Variants in PLCB3 observed in about 807,000 individuals in gnomAD.
PLCB3 encodes 1-phosphatidylinositol 4,5-bisphosphate phosphodiesterase beta-3.
Under a neutral mutation model 152.1 loss-of-function variants are expected in PLCB3, and 54 were observed. The ratio of observed to expected loss-of-function variants is 0.36; its 90% confidence interval spans 0.29 to 0.45. PLCB3 has a LOEUF of 0.45. PLCB3 is among the 20% of genes least tolerant of loss of function. PLCB3 has a pLI of 1.00. For synonymous variants in PLCB3, 717 were observed against 698.7 expected, an observed-to-expected ratio of 1.03 and a Z score of -0.41; for missense variants, 1,248 against 1,687.5, an observed-to-expected ratio of 0.74 and a Z score of 4.56.
At chr11:64,264,509 G>A (rs1395148145) in intron 22 of PLCB3, among the ~76,000 whole-genome samples, 1 of 152,234 alleles carries the variant, frequency 6.6e-6, no homozygotes, top group East Asian at 1.9e-4. Flanking sequence ...CGGGCGGGGA[G>A]AGATGACTGC....
chr11:64,255,786 T>G lies in PLCB3; in HGVS notation c.663T>G (p.Cys221Trp). 6.2e-7 allele frequency: 1 copy of G among 1,614,082 alleles called. No homozygotes were observed. Among genetic ancestry groups the G allele is most frequent in the Non-Finnish European group, 8.5e-7 (1 of 1,179,962 alleles). The change falls in exon 8 of 31, where the codon TGT becomes TGG. Residue 221 changes from cysteine to tryptophan, a missense_variant. Physicochemically the swap from Cys to Trp is radical, Grantham distance 215 (BLOSUM62 -2). Coordinates refer to ENST00000279230, the MANE Select transcript of PLCB3 (RefSeq NM_000932.5). This position sits in a 1 kb window ranked among gnomAD's most constrained non-coding sequence, Gnocchi z 6.8. ...EIFERFLNKL[C>W]LRPDIDKILL... ...TTGAGCGGTTCCTGAACAAGCTGTG[T>G]CTGCGGCCGGACATTGACAAGATCC...
In PLCB3 at chr11:64,267,514, G is replaced by T; in HGVS notation, c.3663G>T (p.Ser1221=). The change falls in exon 31 of 31, where the codon TCG becomes TCT. Residue 1221 remains serine (S), a synonymous_variant. Transcript: ENST00000279230. The surrounding 1 kb of genome is among the most constrained non-coding windows in gnomAD (Gnocchi z 5.2). ...CACCCGGGAGCAGCGGGCACCTGTC[G>T]GGCGCTGACTCGGAGAGCCAGGAGG... The part of the protein sequence containing the change: ...GHAPGSSGHL[S]GADSESQEEN... 6.4e-7 allele frequency: 1 copy of T among 1,569,436 alleles called. No homozygotes were observed.
chr11:64,267,513 C>G lies in PLCB3; in HGVS notation c.3662C>G (p.Ser1221Trp). The G allele has an allele frequency of 1.3e-6, 2 of 1,568,986 alleles. No homozygotes were observed. Among genetic ancestry groups the G allele is most frequent in the Non-Finnish European group, 1.7e-6 (2 of 1,161,494 alleles). ...GCACCCGGGAGCAGCGGGCACCTGT[C>G]GGGCGCTGACTCGGAGAGCCAGGAG... ...GHAPGSSGHL[S>W]GADSESQEEN... Residue 1221 changes from serine to tryptophan, a missense_variant, in exon 31 of 31, where the codon TCG becomes TGG. Coordinates refer to ENST00000279230, the MANE Select transcript of PLCB3 (RefSeq NM_000932.5). This position sits in a 1 kb window ranked among gnomAD's most constrained non-coding sequence, Gnocchi z 5.2.
chr11:64,252,323 C>A (rs2532599), intron 1 of PLCB3, among the ~76,000 whole-genome samples: 1 of 152,002 alleles, frequency 6.6e-6, no homozygotes, highest in African/African-American at 2.4e-5. Context: ...GGAGACTTTG[C>A]CCCCCAAGTT....
At position 64,266,510 on chromosome 11, in the gene PLCB3, T is replaced by C; in HGVS notation, c.3372T>C (p.Ile1124=). ...TCCCGTGCAGGGAACTGACGGAGAT[T>C]AACCGTCGGCACATCACTGAGTCAG... is the stretch of plus-strand genomic sequence containing the variant. The part of the protein sequence containing the change: ...KHKKEAELTE[I]NRRHITESVN... The change falls in exon 29 of 31, where the codon ATT becomes ATC. Residue 1124 remains isoleucine (I), a synonymous_variant. Transcript: ENST00000279230. The surrounding 1 kb of genome is among the most constrained non-coding windows in gnomAD (Gnocchi z 4.9). 1 of 1,613,752 alleles carries C rather than the reference T, an allele frequency of 6.2e-7. No individual in the cohort carries two copies. The highest frequency in any genetic ancestry group is 8.5e-7 in the Non-Finnish European group (1 of 1,179,898).
Position 64,267,296 on chromosome 11 carries a change from G to A in PLCB3, c.3501+25G>A, listed in dbSNP as rs2032170588. 4 of 1,550,772 alleles carry A rather than the reference G, an allele frequency of 2.6e-6. No homozygotes were observed. Among genetic ancestry groups the A allele is most frequent in the Non-Finnish European group, 3.5e-6 (4 of 1,146,802 alleles). ...GGTGAGGCCATGGGCGAACAGGTGG[G>A]CAGACGGGGTGCAAGGCAGCCAGGC... On this transcript the variant is annotated intron_variant, in intron 30 of 30. Transcript: ENST00000279230. This position sits in a 1 kb window ranked among gnomAD's most constrained non-coding sequence, Gnocchi z 5.2.
chr11:64,258,391 C>T lies in PLCB3; in HGVS notation c.1013-82C>T. 2 of 1,497,176 alleles carry T rather than the reference C, an allele frequency of 1.3e-6. No homozygotes were observed. The highest frequency in any genetic ancestry group is 1.8e-6 in the Non-Finnish European group (2 of 1,109,398). 92.7% of individuals were successfully genotyped at this position (1,497,176 alleles called of 1,614,324 possible). A position where few individuals can be genotyped will look rare whatever the true frequency, so the allele number is the denominator to read the frequency against. On this transcript the variant is annotated intron_variant, in intron 10 of 30. Coordinates refer to ENST00000279230, the MANE Select transcript of PLCB3 (RefSeq NM_000932.5). The surrounding 1 kb of genome is among the most constrained non-coding windows in gnomAD (Gnocchi z 7.2). ...GATGGAGAGCCCTCTGCAAATCCAG[C>T]ATGTCCTGGTTCCAGGTGGGGCCGG...
intron 14 of PLCB3, among the ~76,000 whole-genome samples, chr11:64,260,957 C>T (rs929847354): frequency 6.6e-6 from 1 of 151,950 alleles, no homozygotes; most frequent in East Asian, 1.9e-4. Context: ...GGTAAAGGGT[C>T]ATGATGTCTA....
chr11:64,263,106 A>G (rs969378856), intron 19 of PLCB3, among the ~76,000 whole-genome samples: 2 of 152,190 alleles, frequency 1.3e-5, no homozygotes, highest in Non-Finnish European at 2.9e-5. Flanking sequence ...CTGAGGTCAC[A>G]ACCCCAAGCT....
In PLCB3 at chr11:64,267,675, A is replaced by C. The variant is rs1022750001; in HGVS notation, c.*119A>C. 30 of 848,662 alleles carry C rather than the reference A, an allele frequency of 3.5e-5. No individual in the cohort carries two copies. The highest frequency in any genetic ancestry group is 3.6e-4 in the Middle Eastern group (1 of 2,798). The allele number at this position is 848,662 out of a possible 1,614,324, so 52.6% of individuals were successfully genotyped here. A position where few individuals can be genotyped will look rare whatever the true frequency, so the allele number is the denominator to read the frequency against. ...TTTTATCTAGAAATTTTATTTTTTT[A>C]AACCCGGGGCAAGTACCTCAGCTAA... On this transcript the variant is annotated 3_prime_UTR_variant, in exon 31 of 31. Transcript: ENST00000279230. This position sits in a 1 kb window ranked among gnomAD's most constrained non-coding sequence, Gnocchi z 5.2.
In PLCB3 at chr11:64,267,037, G is replaced by A. The variant is rs1230545083; in HGVS notation, c.3415-148G>A. 16 of 650,788 alleles carry A rather than the reference G, an allele frequency of 2.5e-5. No individual in the cohort carries two copies. Among genetic ancestry groups the A allele is most frequent in the Admixed American group, 1.0e-4 (4 of 39,112 alleles). The allele number at this position is 650,788 out of a possible 1,614,324, so 40.3% of individuals were successfully genotyped here. On this transcript the variant is annotated intron_variant, in intron 29 of 30. Transcript: ENST00000279230. The surrounding 1 kb of genome is among the most constrained non-coding windows in gnomAD (Gnocchi z 5.2). ...TCGAACTCCTGACCTCAGGTGATCC[G>A]CCCGCCTTGGCCTCCCAAAGTGCTG...
chr11:64,261,056 C>G (rs2031822357), intron 14 of PLCB3, among the ~76,000 whole-genome samples: 1 of 152,168 alleles, frequency 6.6e-6, no homozygotes, highest in African/African-American at 2.4e-5. Flanking sequence ...GTAATCCCAG[C>G]ACTTTGGGAG....
chr11:64,255,142 C>A lies in PLCB3; in HGVS notation c.388-92C>A. On this transcript the variant is annotated intron_variant, in intron 4 of 30. Coordinates refer to ENST00000279230, the MANE Select transcript of PLCB3 (RefSeq NM_000932.5). This position sits in a 1 kb window ranked among gnomAD's most constrained non-coding sequence, Gnocchi z 6.8. ...GTGTTCTAGGCTGCTCTGTGACCTACTGTGTACCAGAGGCAGTTGTGGACC... is the reference window on the plus strand; with the variant it reads ...GTGTTCTAGGCTGCTCTGTGACCTAATGTGTACCAGAGGCAGTTGTGGACC... 6.6e-7 allele frequency: 1 copy of A among 1,517,364 alleles called. No individual in the cohort carries two copies. Among genetic ancestry groups the A allele is most frequent in the Non-Finnish European group, 9.1e-7 (1 of 1,093,556 alleles). 94.0% of individuals were successfully genotyped at this position (1,517,364 alleles called of 1,614,324 possible).
intron 22 of PLCB3, among the ~76,000 whole-genome samples, 167 bp downstream of exon 22, chr11:64,264,279 T>G (rs893293254): frequency 6.6e-6 from 1 of 152,210 alleles, no homozygotes; most frequent in Admixed American, 6.5e-5. Flanking sequence ...TCAGGAGGCC[T>G]TCAGGTCACA....
Position 64,259,240 on chromosome 11 carries a change from G to C in PLCB3, c.1521G>C (p.Gln507His). The stretch of plus-strand genomic sequence containing the variant: ...CGGCCACCGAGCCCTCCTCCCCGCA[G>C]CTGGGTAGGCCCCAGCCCGGCCCGC... ...SSAATEPSSP[Q>H]LGSPSSDSCP... Residue 507 changes from glutamine (Q) to histidine (H), a missense_variant, in exon 13 of 31, where the codon CAG becomes CAC. By Grantham distance (24) the Gln-to-His change is conservative. This residue lies in a region of PLCB3 where 105 missense variants were observed against 100.9 expected (regional missense o/e 1.04). Transcript: ENST00000279230. 6.5e-7 allele frequency: 1 copy of C among 1,532,006 alleles called. No homozygotes were observed. The highest frequency in any genetic ancestry group is 8.8e-7 in the Non-Finnish European group (1 of 1,139,676). The allele number at this position is 1,532,006 out of a possible 1,614,324, so 94.9% of individuals were successfully genotyped here.
chr11:64,255,634 A>AAT lies in PLCB3; in HGVS notation c.597+18_597+19insAT. ...TCAACCGGGTGTGTGGGGTGGGGAC[A>AAT]GGGGCGGGGTGGGGTGTCACGGTGG... On this transcript the variant is annotated intron_variant, in intron 7 of 30. Transcript: ENST00000279230. This position sits in a 1 kb window ranked among gnomAD's most constrained non-coding sequence, Gnocchi z 6.8. The AAT allele has an allele frequency of 3.4e-6, 2 of 583,266 alleles. No individual in the cohort carries two copies. Among genetic ancestry groups the AAT allele is most frequent in the Non-Finnish European group, 6.1e-6 (2 of 325,592 alleles). 36.1% of individuals were successfully genotyped at this position (583,266 alleles called of 1,614,324 possible). A position where few individuals can be genotyped will look rare whatever the true frequency, so the allele number is the denominator to read the frequency against.
At chr11:64,264,584 T>G (rs568192407) in intron 22 of PLCB3, among the ~76,000 whole-genome samples, 34 of 152,240 alleles carry the variant, frequency 2.2e-4, no homozygotes, top group African/African-American at 7.7e-4. Context: ...AGTCCTCTGT[T>G]GATTTAATCA....
Position 64,267,708 on chromosome 11 carries a change from C to A in PLCB3, c.*152C>A. 1 of 668,982 alleles carries A rather than the reference C, an allele frequency of 1.5e-6. No individual in the cohort carries two copies. Among genetic ancestry groups the A allele is most frequent in the Non-Finnish European group, 2.5e-6 (1 of 404,966 alleles). 41.4% of individuals were successfully genotyped at this position (668,982 alleles called of 1,614,324 possible). The stretch of plus-strand genomic sequence containing the variant: ...GGCAAGTACCTCAGCTAACTCCCTT[C>A]ATCCTCCTGGGGCCCCTCCTTCCTG... On this transcript the variant is annotated 3_prime_UTR_variant, in exon 31 of 31. Transcript: ENST00000279230. This position sits in a 1 kb window ranked among gnomAD's most constrained non-coding sequence, Gnocchi z 5.2.
chr11:64,255,017 C>A lies in PLCB3; in HGVS notation c.366C>A (p.Ala122=). The A allele has an allele frequency of 6.4e-7, 1 of 1,569,378 alleles. No individual in the cohort carries two copies. The highest frequency in any genetic ancestry group is 1.2e-5 in the South Asian group (1 of 84,126). ...ACACAGTGTTCTTGAACTTCATGGC[C>A]GTGCAGGATGACACAGCCAAGGTGG... is the stretch of plus-strand genomic sequence containing the variant. ...PVNTVFLNFM[A]VQDDTAKVWS... Residue 122 remains alanine, a synonymous_variant, in exon 4 of 31, where the codon GCC becomes GCA. Coordinates refer to ENST00000279230, the MANE Select transcript of PLCB3 (RefSeq NM_000932.5). The surrounding 1 kb of genome is among the most constrained non-coding windows in gnomAD (Gnocchi z 6.8).
Sources: allele counts gnomAD v4.1 joint callset (sites outside exome capture counted in the v4.1 genomes callset), GRCh38; gene constraint gnomAD v4.1.1; regional missense constraint gnomAD v4.1.1; non-coding constraint Gnocchi (gnomAD v3.1); transcripts MANE v1.5; gene names NCBI Gene and HGNC (gene_info 2026-07-23, HGNC 2026-07-21).